The following PDCD1LG2 variants were observed in gnomAD, a reference collection of about 807,000 sequenced individuals.
PDCD1LG2 encodes programmed cell death 1 ligand 2, also known as B7 dendritic cell molecule.
PDCD1LG2 carries 32 observed loss-of-function variants against 28.2 expected under a neutral mutation model. The ratio of observed to expected loss-of-function variants is 1.13; its 90% CI spans 0.86 to 1.52. The LOEUF (loss-of-function observed/expected upper bound fraction) is 1.52, where lower values mean the gene tolerates loss of function less well. Among genes scored for constraint, PDCD1LG2 ranks in the 40% most tolerant of loss-of-function variants. PDCD1LG2 has a pLI of 0.00. For missense variants in PDCD1LG2, 385 were observed against 323.8 expected (o/e 1.19, Z -1.45); for synonymous variants, 116 against 120.2 (o/e 0.97, Z 0.23).
At chr9:5,567,182 G>A (rs79270376) in intron 6 of PDCD1LG2, among the ~76,000 whole-genome samples, 2,175 of 152,306 alleles carry the variant, frequency 0.014, 52 homozygotes, top group African/African-American at 0.05. Context: ...TAGGAAGGGC[G>A]ATGCTATACC....
intron 1 of PDCD1LG2, among the ~76,000 whole-genome samples, chr9:5,520,756 G>A (rs1283308978): frequency 6.6e-6 from 1 of 152,134 alleles, no homozygotes. Context: ...AAGACAATGT[G>A]CAGAATGGGA....
At chr9:5,557,957 T>C (rs1006721460) in intron 5 of PDCD1LG2, among the ~76,000 whole-genome samples, 1 of 152,198 alleles carries the variant, frequency 6.6e-6, no homozygotes, top group African/African-American at 2.4e-5. Flanking sequence ...ACACTGAGTT[T>C]TTTAAAGGGA....
At chr9:5,529,832 G>T (rs1040590797) in intron 2 of PDCD1LG2, among the ~76,000 whole-genome samples, 4 of 152,158 alleles carry the variant, frequency 2.6e-5, no homozygotes, top group Non-Finnish European at 4.4e-5. Flanking sequence ...AGAATAATCA[G>T]GTTGGGGAAA....
chr9:5,516,791 T>A (rs1820174059), intron 1 of PDCD1LG2, among the ~76,000 whole-genome samples: 1 of 152,166 alleles, frequency 6.6e-6, no homozygotes. Flanking sequence ...TGGCCACAAC[T>A]TTGCTTCACC....
rs184661793 is a variant in PDCD1LG2 at position 5,566,465 on chromosome 9, G to A, written c.816+3254G>A. ...TTTGGTCAATTAAATGTAAGCATAA[G>A]TGATGCGTGTTATTTCTGGGTAGAA... On this transcript the variant is annotated intron_variant, in intron 6 of 6. Coordinates refer to ENST00000397747, the MANE Select transcript of PDCD1LG2 (RefSeq NM_025239.4). Among the ~76,000 whole-genome samples the A allele has an allele frequency of 3.9e-5, 6 of 152,334 alleles. No individual in the cohort carries two copies. The East Asian group carries it at 9.6e-4, about 24-fold the overall frequency.
Position 5,529,536 on chromosome 9 carries a change from T to C in PDCD1LG2, c.56-5209T>C, listed in dbSNP as rs185688344. ...TATCCTTTTGCAAATATCACACTTA[T>C]ATTTGTTTTTTTTCTTACATTTTTA... On this transcript the variant is annotated intron_variant, in intron 2 of 6. Transcript: ENST00000397747. Among the ~76,000 whole-genome samples, 9 of 152,368 alleles carry C rather than the reference T, an allele frequency of 5.9e-5. 1 individual carries two copies. Among genetic ancestry groups the C allele is most frequent in the East Asian group, 5.8e-4 (3 of 5,192 alleles).
intron 2 of PDCD1LG2, among the ~76,000 whole-genome samples, chr9:5,525,779 T>G (rs1048437527): frequency 6.6e-6 from 1 of 152,134 alleles, no homozygotes; most frequent in Non-Finnish European, 1.5e-5. Context: ...CCGGGCATGG[T>G]GGCTCACGCC....
At chr9:5,544,612 G>A (rs1000566396) in intron 3 of PDCD1LG2, among the ~76,000 whole-genome samples, 1 of 152,200 alleles carries the variant, frequency 6.6e-6, no homozygotes, top group African/African-American at 2.4e-5. Flanking sequence ...ACAGACCCAG[G>A]ACACACAAAG....
rs571832220 is a variant in PDCD1LG2, at chr9:5,555,852, G to A, written c.632-1766G>A. ...CTGGGCCCACTTAACTATAGGGGAG[G>A]CTTGGAAACATAGTCTCTGAGAAGC... On this transcript the variant is annotated intron_variant, in intron 4 of 6. Transcript: ENST00000397747. Among the ~76,000 whole-genome samples, 113 of 152,328 alleles carry A rather than the reference G, an allele frequency of 7.4e-4. 2 individuals are homozygous for A. The highest frequency in any genetic ancestry group is 2.9e-4 in the Non-Finnish European group (20 of 68,032).
chr9:5,528,468 T>C (rs1037713486), intron 2 of PDCD1LG2, among the ~76,000 whole-genome samples: 68 of 143,912 alleles, frequency 4.7e-4, no homozygotes, highest in Non-Finnish European at 9.0e-4. Flanking sequence ...GCCTGGCTAA[T>C]TTTTTTTTTT....
At chr9:5,525,086 G>C (rs1228940299) in intron 2 of PDCD1LG2, among the ~76,000 whole-genome samples, 2 of 152,086 alleles carry the variant, frequency 1.3e-5, no homozygotes, top group Non-Finnish European at 2.9e-5. Flanking sequence ...AGTGGCTCAC[G>C]CCTATAATCC....
chr9:5,571,271 T>C lies in PDCD1LG2; in HGVS notation c.*1312T>C, dbSNP rs533037067. 1.2e-4 allele frequency: 28 copies of C among 229,910 alleles called. No homozygotes were observed. In the East Asian group the frequency reaches 1.5e-3, roughly 12 times the overall value. The allele number at this position is 229,910 out of a possible 1,614,324, so 14.2% of individuals were successfully genotyped here. On this transcript the variant is annotated 3_prime_UTR_variant, in exon 7 of 7. Transcript: ENST00000397747. The stretch of plus-strand genomic sequence containing the variant: ...ATTCTTCAACGTTCTTTATATATTC[T>C]ACTTTTGGGTAAGAGGTTTGCTCAG...
intron 4 of PDCD1LG2, among the ~76,000 whole-genome samples, chr9:5,551,900 A>G (rs1327494942): frequency 6.6e-6 from 1 of 152,148 alleles, no homozygotes; most frequent in Non-Finnish European, 1.5e-5. Context: ...AAGATTTAAT[A>G]TACACCAGTT....
chr9:5,545,944 A>T (rs1226162851), intron 3 of PDCD1LG2, among the ~76,000 whole-genome samples: 1 of 152,176 alleles, frequency 6.6e-6, no homozygotes, highest in East Asian at 1.9e-4. Context: ...CGCCTCTTAA[A>T]TTCTAAAATT....
At chr9:5,556,231 G>C (rs570527549) in intron 4 of PDCD1LG2, among the ~76,000 whole-genome samples, 1 of 152,322 alleles carries the variant, frequency 6.6e-6, no homozygotes, top group Non-Finnish European at 1.5e-5. Flanking sequence ...TAAAGACACT[G>C]AGGTAGGGAC....
chr9:5,557,524 A>G (rs1816469527), intron 4 of PDCD1LG2, 94 bp from the exon 5 acceptor site: 2 of 1,413,576 alleles, frequency 1.4e-6, no homozygotes, highest in Admixed American at 1.7e-5. Context: ...CCACAGAGCT[A>G]GCCGTGTTGG....
rs1320101547 is a variant in PDCD1LG2 at position 5,569,500 on chromosome 9, CT to C, written c.817-449del. Among the ~76,000 whole-genome samples the C allele has an allele frequency of 6.6e-6, 1 of 152,192 alleles. No homozygotes were observed. Among genetic ancestry groups the C allele is most frequent in the Non-Finnish European group, 1.5e-5 (1 of 68,032 alleles). On this transcript the variant is annotated intron_variant, in intron 6 of 6. Transcript: ENST00000397747. This position sits in a 1 kb window ranked among gnomAD's most constrained non-coding sequence, Gnocchi z 4.1. ...CTCTCTCTCAACCCACTGCAACACT[CT>C]TTTTCCCCTAGACTGAGCCCAGTCA...
chr9:5,530,622 T>C (rs1820464125), intron 2 of PDCD1LG2, among the ~76,000 whole-genome samples: 1 of 152,208 alleles, frequency 6.6e-6, no homozygotes, highest in Non-Finnish European at 1.5e-5. Flanking sequence ...CTACCATTCT[T>C]TGACCTTGGG....
At chr9:5,522,803 G>A (rs1263193054) in intron 2 of PDCD1LG2, among the ~76,000 whole-genome samples, 1 of 152,004 alleles carries the variant, frequency 6.6e-6, no homozygotes, top group African/African-American at 2.4e-5. Context: ...GACAGAAACG[G>A]TGACTGAGAA....
Sources: gnomAD v4.1 joint callset for allele counts (sites outside exome capture counted in the v4.1 genomes callset) on GRCh38, gnomAD v4.1.1 for gene constraint, Gnocchi (gnomAD v3.1) non-coding constraint, MANE v1.5 for transcripts, NCBI Gene and HGNC (gene_info 2026-07-23, HGNC 2026-07-21) for gene names.